The following NAT1 variants were observed in gnomAD, a reference collection of about 807,000 sequenced individuals.
The protein encoded by NAT1 is N-acetyltransferase 1.
For missense variants in NAT1, 400 were observed against 339.2 expected (o/e 1.18, Z -1.41); for synonymous variants, 144 against 122.6 (o/e 1.17, Z -1.16).
Position 18,199,300 on chromosome 8 carries a change from CAAGA to C in NAT1, n.93-10476_93-10473del, listed in dbSNP as rs1164706280. On this transcript the variant is annotated intron_variant and non_coding_transcript_variant, in intron 2 of 4. Transcript: ENST00000517441. ...CTGCACTCCAGCCTGGGCGACAAAA[CAAGA>C]AAGACTCTGTCTCAAAAAAAAAAAA... 2.9e-5 allele frequency among the ~76,000 whole-genome samples: 3 copies of C among 101,828 alleles called. No individual in the cohort carries two copies. In the East Asian group the frequency reaches 7.9e-4, roughly 27 times the overall value. The allele number at this position is 101,828 out of a possible 152,430, so 66.8% of individuals were successfully genotyped here.
At chr8:18,207,986 G>C (rs1406978719), upstream of NAT1, among the ~76,000 whole-genome samples, 1 of 152,114 alleles carries the variant, frequency 6.6e-6, no homozygotes, top group Non-Finnish European at 1.5e-5. Context: ...GAAGCTGAAA[G>C]CCATTATCCT....
At chr8:18,189,009 A>AAAAAAAAAAAG (rs1329509282) in intron 2 of NAT1, among the ~76,000 whole-genome samples, 9 of 149,134 alleles carry the variant, frequency 6.0e-5, no homozygotes, top group South Asian at 2.1e-4. Flanking sequence ...AAAAAAAAAA[A>AAAAAAAAAAAG]AAAGAAAGAA....
intron 2 of NAT1, among the ~76,000 whole-genome samples, chr8:18,181,558 T>C (rs1330643527): frequency 6.6e-6 from 1 of 152,206 alleles, no homozygotes; most frequent in African/African-American, 2.4e-5. Context: ...GCCCTTTATT[T>C]CTTTCTCTTG....
At chr8:18,195,846 A>C (rs1321731108) in intron 2 of NAT1, among the ~76,000 whole-genome samples, 9 of 151,900 alleles carry the variant, frequency 5.9e-5, no homozygotes, top group Non-Finnish European at 1.3e-4. Flanking sequence ...CCTGATGGGG[A>C]TCAGATCTTT....
chr8:18,196,453 G>A (rs921793024), intron 2 of NAT1, among the ~76,000 whole-genome samples: 1 of 151,978 alleles, frequency 6.6e-6, no homozygotes, highest in African/African-American at 2.4e-5. Context: ...ACCAAACACA[G>A]GACAAACATG....
At chr8:18,186,413 C>CT (rs1802737102) in intron 2 of NAT1, among the ~76,000 whole-genome samples, 1 of 152,096 alleles carries the variant, frequency 6.6e-6, no homozygotes. Flanking sequence ...CACCATCTTT[C>CT]TTTTTTTCTT....
chr8:18,188,724 G>A (rs375815864), intron 2 of NAT1, among the ~76,000 whole-genome samples: 5 of 151,674 alleles, frequency 3.3e-5, no homozygotes, highest in Admixed American at 2.0e-4. Flanking sequence ...CAGGCCGGGC[G>A]TGGTGGCTCA....
chr8:18,215,935 TC>T (rs1804612617), intron 1 of NAT1, among the ~76,000 whole-genome samples: 1 of 152,182 alleles, frequency 6.6e-6, no homozygotes, highest in Admixed American at 6.5e-5. Flanking sequence ...TCTATGCCTT[TC>T]TCTGAAGATG....
At chr8:18,205,937 T>C (rs1490964174), upstream of NAT1, among the ~76,000 whole-genome samples, 1 of 152,054 alleles carries the variant, frequency 6.6e-6, no homozygotes, top group Non-Finnish European at 1.5e-5. Context: ...CCCTGCAGAG[T>C]TCAGGACTGA....
At chr8:18,194,641 A>G (rs1250504983) in intron 2 of NAT1, among the ~76,000 whole-genome samples, 1 of 151,834 alleles carries the variant, frequency 6.6e-6, no homozygotes. Flanking sequence ...CCAACATGGT[A>G]AAACTCTGTC....
At position 18,175,574 on chromosome 8, in the gene NAT1, C is replaced by A. The variant is rs567928496; in HGVS notation, n.92+4835C>A. On this transcript the variant is annotated intron_variant and non_coding_transcript_variant, in intron 2 of 4. Transcript: ENST00000517441. ...TCTTTTTCAAGGCTATATAGTATTC[C>A]ATTGTGTAATATAGTATGTTTTCTT... Among the ~76,000 whole-genome samples the A allele has an allele frequency of 3.3e-5, 5 of 152,142 alleles. No individual in the cohort carries two copies. The East Asian group carries it at 9.7e-4, about 29-fold the overall frequency.
chr8:18,196,557 T>A (rs1480959850), intron 2 of NAT1, among the ~76,000 whole-genome samples: 1 of 152,224 alleles, frequency 6.6e-6, no homozygotes, highest in Admixed American at 6.5e-5. Context: ...ATGAGGATGC[T>A]GTACTTATTA....
chr8:18,209,403 C>T (rs28359477), upstream of NAT1, among the ~76,000 whole-genome samples: 8,628 of 152,312 alleles, frequency 0.057, 326 homozygotes, highest in Middle Eastern at 0.11. Context: ...TTGATCATTA[C>T]ACAATGTATG....
chr8:18,220,343 T>C (rs1805153944), intron 2 of NAT1, among the ~76,000 whole-genome samples: 3 of 151,604 alleles, frequency 2.0e-5, no homozygotes, highest in South Asian at 4.2e-4. Flanking sequence ...ATAGAAGAAA[T>C]GTTATGAGAA....
intron 1 of NAT1, among the ~76,000 whole-genome samples, chr8:18,211,012 C>T (rs1399358944): frequency 6.6e-6 from 1 of 152,148 alleles, no homozygotes; most frequent in Non-Finnish European, 1.5e-5. Flanking sequence ...ACCGTCTTGG[C>T]TAGGCTCATC....
intron 2 of NAT1, among the ~76,000 whole-genome samples, chr8:18,171,656 C>G (rs1299588947): frequency 1.3e-5 from 2 of 151,566 alleles, no homozygotes. Context: ...GAAAACAAAA[C>G]AAAACAAAAA....
intron 2 of NAT1, among the ~76,000 whole-genome samples, chr8:18,183,200 T>C (rs1589058336): frequency 6.6e-6 from 1 of 152,170 alleles, no homozygotes; most frequent in African/African-American, 2.4e-5. Context: ...TTGAAAGCCC[T>C]TTTTACGATT....
intron 2 of NAT1, chr8:18,170,761 T>A (rs564827121): frequency 6.6e-6 from 1 of 152,302 alleles, no homozygotes; most frequent in South Asian, 2.1e-4. Context: ...CCAGGGCCCA[T>A]TGAGCCCAGG....
chr8:18,186,081 A>T (rs187464136), intron 2 of NAT1, among the ~76,000 whole-genome samples: 5 of 152,254 alleles, frequency 3.3e-5, no homozygotes, highest in Admixed American at 3.3e-4. Flanking sequence ...TTTGTATTTT[A>T]ATGTTTTTGG....
Sources: allele counts gnomAD v4.1 joint callset (sites outside exome capture counted in the v4.1 genomes callset), GRCh38; gene constraint gnomAD v4.1.1; transcripts MANE v1.5; gene names NCBI Gene and HGNC (gene_info 2026-07-23, HGNC 2026-07-21).